Variants in CADM2 observed in about 807,000 individuals in gnomAD.
CADM2 encodes the protein immunoglobulin superfamily member 4D.
In CADM2, 12 loss-of-function variants were observed where a neutral mutation model predicts 49.8. The observed-to-expected ratio is 0.24, with a 90% CI of 0.15 to 0.39. The LOEUF is 0.39. Ranked by LOEUF, CADM2 falls within the 10% of genes least tolerant of loss-of-function variation. The pLI, the probability that CADM2 is intolerant of heterozygous loss-of-function variation, is 1.00. For missense variants in CADM2, 378 were observed against 492.3 expected, an observed-to-expected ratio of 0.77 and a Z score of 2.20; for synonymous variants, 214 against 175.4, an observed-to-expected ratio of 1.22 and a Z score of -1.74.
chr3:85,442,603 T>TAG (rs916095024), intron 1 of CADM2, among the ~76,000 whole-genome samples: 4 of 22,818 alleles, frequency 1.8e-4, no homozygotes, highest in African/African-American at 2.0e-4. Context: ...TATATATATA[T>TAG]ATATATATAT....
intron 2 of CADM2, among the ~76,000 whole-genome samples, chr3:85,748,503 G>A (rs953985118): frequency 4.6e-5 from 7 of 152,002 alleles, no homozygotes; most frequent in Admixed American, 6.6e-5. Context: ...TCAGCTGAAC[G>A]CTCACTTATC....
At chr3:85,307,411 G>T (rs1390509268) in intron 1 of CADM2, among the ~76,000 whole-genome samples, 1 of 151,636 alleles carries the variant, frequency 6.6e-6, no homozygotes, top group East Asian at 1.9e-4. Context: ...TTTGTTTCTT[G>T]ATCCCTAGAT....
chr3:85,784,577 T>A (rs374131381), intron 2 of CADM2, among the ~76,000 whole-genome samples: 1 of 139,482 alleles, frequency 7.2e-6, no homozygotes, highest in Non-Finnish European at 1.5e-5. Flanking sequence ...TATCTATCTA[T>A]CTAACACGTT....
intron 1 of CADM2, among the ~76,000 whole-genome samples, chr3:85,416,476 C>T (rs1262951113): frequency 6.6e-6 from 1 of 152,112 alleles, no homozygotes; most frequent in African/African-American, 2.4e-5. Flanking sequence ...ATTTACATAT[C>T]ACAATGACTT....
chr3:85,885,227 AT>A (rs1236229002), intron 4 of CADM2, among the ~76,000 whole-genome samples: 1 of 151,966 alleles, frequency 6.6e-6, no homozygotes, highest in Non-Finnish European at 1.5e-5. Context: ...TTACAAGAGT[AT>A]TTTCACAGGT....
At chr3:85,779,374 C>T (rs2070517895) in intron 2 of CADM2, among the ~76,000 whole-genome samples, 1 of 152,120 alleles carries the variant, frequency 6.6e-6, no homozygotes, top group African/African-American at 2.4e-5. Context: ...ATTCTGTTCT[C>T]ATGCTGCTAA....
At chr3:85,855,999 A>G (rs1273180659) in intron 3 of CADM2, among the ~76,000 whole-genome samples, 4 of 152,174 alleles carry the variant, frequency 2.6e-5, no homozygotes, top group African/African-American at 9.7e-5. Context: ...GCAGCATTGC[A>G]TTAGTTCATA....
intron 1 of CADM2, among the ~76,000 whole-genome samples, chr3:85,510,781 T>C (rs2106835784): frequency 6.6e-6 from 1 of 152,170 alleles, no homozygotes; most frequent in African/African-American, 2.4e-5. Context: ...ATTTATTTTA[T>C]AAAAACAATT....
chr3:85,334,516 G>A (rs1209424120), intron 1 of CADM2, among the ~76,000 whole-genome samples: 1 of 151,500 alleles, frequency 6.6e-6, no homozygotes, highest in Non-Finnish European at 1.5e-5. Context: ...TTATGATGAT[G>A]ATTAATCAAT....
At chr3:84,960,988 G>T (rs1326128694) in intron 1 of CADM2, among the ~76,000 whole-genome samples, 2 of 152,102 alleles carry the variant, frequency 1.3e-5, no homozygotes, top group African/African-American at 4.8e-5. Flanking sequence ...ATGATTGATA[G>T]AATATTTTTT....
At chr3:85,556,884 A>G (rs2061973802) in intron 1 of CADM2, among the ~76,000 whole-genome samples, 2 of 152,140 alleles carry the variant, frequency 1.3e-5, no homozygotes, top group Non-Finnish European at 2.9e-5. Flanking sequence ...TTAGATTTTG[A>G]CAATATATTT....
intron 1 of CADM2, among the ~76,000 whole-genome samples, chr3:85,717,552 G>A (rs1278825438): frequency 3.3e-5 from 5 of 152,170 alleles, no homozygotes. Flanking sequence ...ATGTGAGAGG[G>A]CATCCTTTTC....
At chr3:86,051,080 A>G (rs535802170) in intron 8 of CADM2, among the ~76,000 whole-genome samples, 5 of 152,244 alleles carry the variant, frequency 3.3e-5, no homozygotes, top group African/African-American at 1.2e-4. Flanking sequence ...TTAAATATCA[A>G]TTGCAGTTAT....
intron 1 of CADM2, among the ~76,000 whole-genome samples, chr3:84,997,332 CTAAT>C (rs1421621474): frequency 2.0e-5 from 3 of 152,156 alleles, no homozygotes; most frequent in African/African-American, 7.2e-5. Context: ...ATAAACCTCT[CTAAT>C]TATGTGAATT....
At chr3:85,720,605 G>A (rs2067466008) in intron 1 of CADM2, among the ~76,000 whole-genome samples, 1 of 152,238 alleles carries the variant, frequency 6.6e-6, no homozygotes, top group South Asian at 2.1e-4. Context: ...ATAAAAACTA[G>A]TGAAATAAAT....
At chr3:85,621,840 C>T (rs535159469) in intron 1 of CADM2, among the ~76,000 whole-genome samples, 25 of 152,242 alleles carry the variant, frequency 1.6e-4, no homozygotes, top group African/African-American at 5.3e-4. Context: ...GACTGATGTG[C>T]AGTGCCTATC....
chr3:85,777,828 A>G (rs893242451), intron 2 of CADM2, among the ~76,000 whole-genome samples: 13 of 152,210 alleles, frequency 8.5e-5, no homozygotes, highest in African/African-American at 2.9e-4. Flanking sequence ...GAGCAGTGAT[A>G]AAAGCCGGTC....
intron 1 of CADM2, among the ~76,000 whole-genome samples, chr3:85,568,423 C>CTTTCTT (rs1388058465): frequency 6.8e-5 from 2 of 29,456 alleles, no homozygotes; most frequent in African/African-American, 1.1e-4. Context: ...TTCTTTCTTT[C>CTTTCTT]TTTCTTTCTT....
chr3:85,116,738 T>C (rs368037677), intron 1 of CADM2, among the ~76,000 whole-genome samples: 15 of 152,122 alleles, frequency 9.9e-5, no homozygotes, highest in Admixed American at 2.0e-4. Flanking sequence ...GTACATACCA[T>C]TGTGGAAAGG....
Sources: gnomAD v4.1 joint callset for allele counts (sites outside exome capture counted in the v4.1 genomes callset) on GRCh38, gnomAD v4.1.1 for gene constraint, MANE v1.5 for transcripts, NCBI Gene and HGNC (gene_info 2026-07-23, HGNC 2026-07-21) for gene names.